Variants in SIGLEC1 observed in about 807,000 individuals in gnomAD.
The protein encoded by SIGLEC1 is sialoadhesin.
In SIGLEC1, 132 loss-of-function variants were observed where a neutral mutation model predicts 148.0. The ratio of observed to expected loss-of-function variants is 0.89; its 90% CI spans 0.77 to 1.03. The LOEUF is 1.03. Ranked by LOEUF, SIGLEC1 falls within the 50% of genes least tolerant of loss-of-function variation. SIGLEC1 has a pLI of 0.00. For synonymous variants in SIGLEC1, 945 were observed against 969.0 expected (o/e 0.98, Z 0.46); for missense variants, 2,253 against 2,271.4 (o/e 0.99, Z 0.16).
At chr20:3,702,083 G>A (rs567189) in intron 6 of SIGLEC1, among the ~76,000 whole-genome samples, 2 of 151,912 alleles carry the variant, frequency 1.3e-5, no homozygotes, top group East Asian at 1.9e-4. Context: ...GACCTCCTCA[G>A]AACAGCAGGC....
intron 7 of SIGLEC1, among the ~76,000 whole-genome samples, chr20:3,700,159 C>T (rs900707066): frequency 7.6e-6 from 1 of 131,252 alleles, no homozygotes; most frequent in African/African-American, 3.1e-5. Flanking sequence ...GCTCCGTCAG[C>T]CAGGCTGGAG....
intron 4 of SIGLEC1, among the ~76,000 whole-genome samples, chr20:3,705,435 C>T (rs1257791566): frequency 1.3e-5 from 2 of 152,222 alleles, no homozygotes; most frequent in East Asian, 1.9e-4. Flanking sequence ...GGGTAAATCC[C>T]GGGGCACTTG....
chr20:3,696,575 C>T lies in SIGLEC1; in HGVS notation c.2683+11G>A. The T allele has an allele frequency of 6.3e-7, 1 of 1,594,866 alleles. No homozygotes were observed. The highest frequency in any genetic ancestry group is 1.1e-5 in the South Asian group (1 of 88,030). On this transcript the variant is annotated intron_variant, in intron 11 of 21. Coordinates refer to ENST00000344754, the MANE Select transcript of SIGLEC1 (RefSeq NM_023068.4). ...CAGAGTCTACCATATCTTCAGAAGA[C>T]TGACACTCACCTCGGACCTGGAAGA...
chr20:3,691,166 G>T (rs747134678), intron 18 of SIGLEC1, among the ~76,000 whole-genome samples, 174 bp downstream of exon 18: 1 of 152,194 alleles, frequency 6.6e-6, no homozygotes, highest in Admixed American at 6.5e-5. Context: ...TGAGGCGAAT[G>T]ATGTATTCCC....
chr20:3,705,008 T>G lies in SIGLEC1; in HGVS notation c.706+736A>C, dbSNP rs573409776. The stretch of plus-strand genomic sequence containing the variant: ...ATTTGTTTTTGTTGTTGTTGTTGTT[T>G]TTTGTTTGAGACACAGTCTCACTCT... On this transcript the variant is annotated intron_variant, in intron 4 of 21. Transcript: ENST00000344754. Among the ~76,000 whole-genome samples the G allele has an allele frequency of 2.6e-5, 4 of 152,298 alleles. No homozygotes were observed. The East Asian group carries it at 5.8e-4, about 22-fold the overall frequency.
Position 3,693,592 on chromosome 20 carries a change from C to T in SIGLEC1, c.3363G>A (p.Trp1121Ter), listed in dbSNP as rs761813026. The T allele has an allele frequency of 5.6e-6, 9 of 1,612,886 alleles. No homozygotes were observed. The highest frequency in any genetic ancestry group is 5.3e-5 in the African/African-American group (4 of 74,928). ...TTHPAQLTYT[W>*]YQDGQQRLDA... is the part of the protein sequence containing the mutation. ...CCAGGCGCTGCTGCCCATCCTGGTACCATGTGTAGGTGAGCTGGGCCGGGT... is the reference window on the plus strand; with the variant it reads ...CCAGGCGCTGCTGCCCATCCTGGTATCATGTGTAGGTGAGCTGGGCCGGGT... Residue 1121 changes from tryptophan to a stop codon, truncating the protein, a stop_gained, in exon 14 of 22, where the codon TGG becomes TGA. Transcript: ENST00000344754. LOFTEE classifies it high-confidence loss of function.
In SIGLEC1 at chr20:3,693,044, G is replaced by T. The variant is rs752048806; in HGVS notation, c.3596C>A (p.Pro1199Gln). The change falls in exon 15 of 22, where the codon CCG (proline) becomes CAG (glutamine). Residue 1199 changes from proline (P) to glutamine (Q), a missense_variant. Physicochemically the swap from Pro to Gln is moderately conservative, Grantham distance 76. Transcript: ENST00000344754. The part of the protein sequence containing the change: ...ALVLCTVDSR[P>Q]PAQLALSHAG... ...GTGGCTGAGGGCCAGCTGGGCGGGC[G>T]GGCGGCTGTCCACAGTGCACAGTAC... 3.1e-6 allele frequency: 5 copies of T among 1,609,136 alleles called. No homozygotes were observed. The Admixed American group carries it at 6.7e-5, about 21-fold the overall frequency.
At chr20:3,688,762 G>A in intron 21 of SIGLEC1, 143 bp from the exon 22 acceptor site, 1 of 641,906 alleles carries the variant, frequency 1.6e-6, no homozygotes, top group Non-Finnish European at 2.7e-6. Context: ...GGCCTACCAG[G>A]TGAATCAGCT....
chr20:3,697,863 A>G lies in SIGLEC1; in HGVS notation c.2057T>C (p.Leu686Ser), dbSNP rs750019662. 4.3e-5 allele frequency: 70 copies of G among 1,612,984 alleles called. No homozygotes were observed. Among genetic ancestry groups the G allele is most frequent in the Middle Eastern group, 1.6e-4 (1 of 6,072 alleles). The part of the protein sequence containing the change: ...IHNPLLEEEG[L>S]YLCEASNALG... ...GGCATTGCTGGCCTCACAGAGGTAC[A>G]AGCCCTCCTCTTCCAGCAAAGGGTT... The change falls in exon 9 of 22, where the codon TTG becomes TCG. Residue 686 changes from leucine to serine, a missense_variant. Physicochemically the swap from Leu to Ser is moderately radical, Grantham distance 145. Transcript: ENST00000344754.
chr20:3,699,222 G>A lies in SIGLEC1; in HGVS notation c.1766C>T (p.Pro589Leu). The A allele has an allele frequency of 6.2e-7, 1 of 1,610,208 alleles. No individual in the cohort carries two copies. Among genetic ancestry groups the A allele is most frequent in the Non-Finnish European group, 8.5e-7 (1 of 1,179,144 alleles). The change falls in exon 8 of 22, where the codon CCA (proline) becomes CTA (leucine). Residue 589 changes from proline (P) to leucine (L), a missense_variant. Pro to Leu is a moderately conservative substitution (Grantham distance 98). Coordinates refer to ENST00000344754, the MANE Select transcript of SIGLEC1 (RefSeq NM_023068.4). ...DGHSASGPSS[P>L]AVLTVLYPPR... is the part of the protein sequence containing the mutation. ...CTCACAGAGCACAGTGAGAACAGCT[G>A]GCGAAGAGGGGCCACTGGCACTGTG...
chr20:3,711,297 A>C (rs1424754677), intron 1 of SIGLEC1, among the ~76,000 whole-genome samples: 2 of 152,194 alleles, frequency 1.3e-5, no homozygotes, highest in Non-Finnish European at 2.9e-5. Flanking sequence ...TATGTGTTGC[A>C]TCAGGGTGGC....
chr20:3,697,979 C>A lies in SIGLEC1; in HGVS notation c.1941G>T (p.Leu647=). 1.2e-6 allele frequency: 2 copies of A among 1,611,718 alleles called. No homozygotes were observed. Among genetic ancestry groups the A allele is most frequent in the South Asian group, 2.2e-5 (2 of 90,996 alleles). The change falls in exon 9 of 22, where the codon CTG becomes CTT. Residue 647 remains leucine (L), a synonymous_variant. Transcript: ENST00000344754. ...AGGTGCTGCAGCCACCCCCTGATGG[C>A]AGGGAAGTGGCCACAACACGGTCCT... The part of the protein sequence containing the change: ...LHKDRVVATS[L]PSGGGCSTCG...
intron 6 of SIGLEC1, among the ~76,000 whole-genome samples, chr20:3,702,373 G>A (rs2087858905): frequency 6.6e-6 from 1 of 152,116 alleles, no homozygotes; most frequent in Non-Finnish European, 1.5e-5. Flanking sequence ...ATCACGTGAG[G>A]TCAGGAGTTC....
Position 3,687,884 on chromosome 20 carries a change from A to G in SIGLEC1, c.*676T>C, listed in dbSNP as rs2088714657. The G allele has an allele frequency of 6.5e-6, 1 of 153,656 alleles. No homozygotes were observed. The allele number at this position is 153,656 out of a possible 1,614,324, so 9.5% of individuals were successfully genotyped here. On this transcript the variant is annotated 3_prime_UTR_variant, in exon 22 of 22. Transcript: ENST00000344754. Reference sequence around the variant, plus strand: ...CCAGCCAATGGGAAGTGAGTGGAAAAGTCCTGTGCAGCTTCTGAGTTGCGT... The same window carrying G: ...CCAGCCAATGGGAAGTGAGTGGAAAGGTCCTGTGCAGCTTCTGAGTTGCGT...
intron 6 of SIGLEC1, 115 bp from the exon 7 acceptor site, chr20:3,701,756 G>T: frequency 1.9e-6 from 2 of 1,026,684 alleles, no homozygotes; most frequent in Non-Finnish European, 2.7e-6. Flanking sequence ...GTGAGAAGGG[G>T]GTGATCCCAA....
In SIGLEC1 at chr20:3,705,985, C is replaced by G. The variant is rs1276145062; in HGVS notation, c.465G>C (p.Glu155Asp). 3 of 1,613,868 alleles carry G rather than the reference C, an allele frequency of 1.9e-6. No homozygotes were observed. The Admixed American group carries it at 5.0e-5, about 27-fold the overall frequency. The change falls in exon 4 of 22, where the codon GAG becomes GAC. Residue 155 changes from glutamate (E) to aspartate (D), a missense_variant. Glu to Asp is a conservative substitution (Grantham distance 45). Coordinates refer to ENST00000344754, the MANE Select transcript of SIGLEC1 (RefSeq NM_023068.4). ...ASPVELLEGT[E>D]VDFNCSTPYV... ...AGGGAGTGGAGCAGTTGAAGTCCAC[C>G]TCTGTGCCCTCGAGAAGCTCCACCG...
At position 3,703,919 on chromosome 20, in the gene SIGLEC1, G is replaced by A. The variant is rs1284055168; in HGVS notation, c.879C>T (p.Pro293=). The A allele has an allele frequency of 2.5e-6, 4 of 1,613,976 alleles. No homozygotes were observed. Among genetic ancestry groups the A allele is most frequent in the Admixed American group, 1.7e-5 (1 of 60,004 alleles). Residue 293 remains proline, a synonymous_variant, in exon 5 of 22, where the codon CCC becomes CCT. Transcript: ENST00000344754. ...CGCCAGCATCGCTCCAGGCTGCCTG[G>A]GGCAGGTGCAGCACACCAGTCTTGG... The part of the protein sequence containing the change: ...LQTKTGVLHL[P]QAAWSDAGVY...
In SIGLEC1 at chr20:3,710,720, G is replaced by A. The variant is rs746808452; in HGVS notation, c.-110+1750C>T. Among the ~76,000 whole-genome samples, 2 of 152,210 alleles carry A rather than the reference G, an allele frequency of 1.3e-5. No individual in the cohort carries two copies. The highest frequency in any genetic ancestry group is 2.4e-5 in the African/African-American group (1 of 41,456). ...ATTTGGGGTCCTGAAAAGGGCAATC[G>A]TGAACCTGATGGAAGAATGGTGGGG... On this transcript the variant is annotated intron_variant, in intron 1 of 21. Transcript: ENST00000344754. The surrounding 1 kb of genome is among the most constrained non-coding windows in gnomAD (Gnocchi z 4.6).
intron 1 of SIGLEC1, among the ~76,000 whole-genome samples, chr20:3,708,187 G>A (rs909189395): frequency 1.3e-5 from 2 of 152,122 alleles, no homozygotes; most frequent in Non-Finnish European, 2.9e-5. Context: ...GCATGAGAGC[G>A]CTGTGGAACA....
Sources: gnomAD v4.1 joint callset for allele counts (sites outside exome capture counted in the v4.1 genomes callset) on GRCh38, gnomAD v4.1.1 for gene constraint, Gnocchi (gnomAD v3.1) non-coding constraint, MANE v1.5 for transcripts, NCBI Gene and HGNC (gene_info 2026-07-23, HGNC 2026-07-21) for gene names.